Variants in SYN3 observed in about 807,000 individuals in gnomAD.
The protein encoded by SYN3 is synapsin-3.
In SYN3, 35 loss-of-function variants were observed where a neutral mutation model predicts 65.8. That is an observed-to-expected ratio of 0.53 (90% CI 0.41 to 0.70). The LOEUF (loss-of-function observed/expected upper bound fraction) is 0.70. Among genes scored for constraint, SYN3 ranks in the 30% least tolerant of loss-of-function variants. The probability of loss-of-function intolerance (pLI) is 0.00; values close to 1 mark genes in which losing one functional copy is unlikely to be tolerated. For synonymous variants in SYN3, 270 were observed against 292.9 expected, an observed-to-expected ratio of 0.92 and a Z score of 0.80; for missense variants, 680 against 749.0, an observed-to-expected ratio of 0.91 and a Z score of 1.08.
In SYN3 at chr22:32,755,111, G is replaced by A. The variant is rs185999150; in HGVS notation, c.711+109804C>T. Reference sequence around the variant, plus strand: ...GGAACTGGTCTGGGGAAGGTTGGAGGAAGGAAACTAACATCGAACATTTAC... The same window carrying A: ...GGAACTGGTCTGGGGAAGGTTGGAGAAAGGAAACTAACATCGAACATTTAC... On this transcript the variant is annotated intron_variant, in intron 6 of 13. Coordinates refer to ENST00000358763, the MANE Select transcript of SYN3 (RefSeq NM_003490.4). 5.3e-5 allele frequency among the ~76,000 whole-genome samples: 8 copies of A among 152,332 alleles called. No individual in the cohort carries two copies. In the East Asian group the frequency reaches 1.5e-3, roughly 29 times the overall value.
At chr22:32,564,755 G>A (rs904308152) in intron 7 of SYN3, among the ~76,000 whole-genome samples, 3 of 119,278 alleles carry the variant, frequency 2.5e-5, no homozygotes, top group Non-Finnish European at 5.1e-5. Context: ...GCTGCACCCA[G>A]TGCTCCCGCA....
chr22:33,045,133 G>A (rs935906299), intron 1 of SYN3, among the ~76,000 whole-genome samples: 4 of 152,006 alleles, frequency 2.6e-5, no homozygotes, highest in Non-Finnish European at 5.9e-5. Context: ...ATGAGCCACC[G>A]CGCCCAGCCC....
intron 6 of SYN3, among the ~76,000 whole-genome samples, chr22:32,786,466 C>T (rs1338748356): frequency 1.3e-5 from 2 of 151,912 alleles, no homozygotes; most frequent in Non-Finnish European, 2.9e-5. Flanking sequence ...GGGTTCACAC[C>T]ATTCTCCTGC....
chr22:33,000,804 G>A (rs2053038190), intron 2 of SYN3, among the ~76,000 whole-genome samples: 1 of 152,206 alleles, frequency 6.6e-6, no homozygotes, highest in South Asian at 2.1e-4. Context: ...CAGTGCAGGA[G>A]GGGCTGGGGA....
At chr22:32,550,700 C>CAAAAAA (rs135481) in intron 7 of SYN3, among the ~76,000 whole-genome samples, 1 of 148,294 alleles carries the variant, frequency 6.7e-6, no homozygotes, top group Non-Finnish European at 1.5e-5. Flanking sequence ...CTAGAAATGG[C>CAAAAAA]AAAAAAAAAA....
At chr22:32,723,289 A>G (rs2061145073) in intron 6 of SYN3, among the ~76,000 whole-genome samples, 1 of 152,230 alleles carries the variant, frequency 6.6e-6, no homozygotes, top group African/African-American at 2.4e-5. Context: ...TCTGTTTCCC[A>G]TCTATAAAAT....
chr22:32,840,333 G>A (rs1021671109), intron 6 of SYN3, among the ~76,000 whole-genome samples: 1 of 152,164 alleles, frequency 6.6e-6, no homozygotes, highest in African/African-American at 2.4e-5. Flanking sequence ...TTGATGGGGA[G>A]TGCATGTTAA....
intron 6 of SYN3, among the ~76,000 whole-genome samples, chr22:32,668,132 G>A (rs1290706164): frequency 6.6e-6 from 1 of 152,130 alleles, no homozygotes; most frequent in African/African-American, 2.4e-5. Flanking sequence ...TGTTTGAATT[G>A]TATACAAGGA....
chr22:32,659,789 G>A (rs910665430), intron 6 of SYN3, among the ~76,000 whole-genome samples: 54 of 152,246 alleles, frequency 3.5e-4, no homozygotes, highest in African/African-American at 1.3e-3. Context: ...AGGCAACCAG[G>A]TGGCAAGTTG....
At chr22:32,749,929 C>T (rs1022380971) in intron 6 of SYN3, among the ~76,000 whole-genome samples, 3 of 152,170 alleles carry the variant, frequency 2.0e-5, no homozygotes, top group Non-Finnish European at 2.9e-5. Flanking sequence ...GAGTCTGATG[C>T]CTTCCCTAAG....
chr22:32,762,168 G>A (rs556572844), intron 6 of SYN3, among the ~76,000 whole-genome samples: 12 of 152,312 alleles, frequency 7.9e-5, no homozygotes, highest in Admixed American at 3.9e-4. Context: ...GGATTTTAGC[G>A]CCATCTTGCT....
chr22:32,819,745 C>T (rs906005882), intron 6 of SYN3, among the ~76,000 whole-genome samples: 1 of 152,174 alleles, frequency 6.6e-6, no homozygotes, highest in African/African-American at 2.4e-5. Context: ...GTTCAAAAAA[C>T]AGAAGAGGAG....
At chr22:32,856,473 G>T (rs2048369764) in intron 6 of SYN3, among the ~76,000 whole-genome samples, 2 of 152,236 alleles carry the variant, frequency 1.3e-5, no homozygotes, top group Admixed American at 6.5e-5. Context: ...GATTCCCTCA[G>T]ATCCAATGTC....
chr22:32,620,970 G>A (rs538308319), intron 6 of SYN3, among the ~76,000 whole-genome samples: 3 of 152,020 alleles, frequency 2.0e-5, no homozygotes, highest in East Asian at 3.9e-4. Context: ...CACCCACCTC[G>A]GTCTCCCAAA....
intron 6 of SYN3, among the ~76,000 whole-genome samples, chr22:32,726,677 G>A (rs1357388251): frequency 8.5e-5 from 13 of 152,208 alleles, no homozygotes; most frequent in Admixed American, 8.5e-4. Flanking sequence ...GAGAAAAGAA[G>A]CTTGAACGGG....
chr22:32,780,929 C>CTTCCT (rs1434611607), intron 6 of SYN3, among the ~76,000 whole-genome samples: 1 of 117,412 alleles, frequency 8.5e-6, no homozygotes, highest in African/African-American at 4.0e-5. Flanking sequence ...TCCTTCCTTC[C>CTTCCT]TTCCTTTCCT....
chr22:32,792,963 T>G (rs1279258728), intron 6 of SYN3, among the ~76,000 whole-genome samples: 1 of 152,234 alleles, frequency 6.6e-6, no homozygotes, highest in Non-Finnish European at 1.5e-5. Flanking sequence ...ACATGCAATT[T>G]AACTTCTTTG....
chr22:32,613,549 C>T (rs62232745), intron 6 of SYN3, among the ~76,000 whole-genome samples: 38,045 of 151,872 alleles, frequency 0.25, 5,360 homozygotes, highest in Non-Finnish European at 0.31. Context: ...TTTATTTCCA[C>T]GTTTATTTGA....
chr22:32,528,980 C>A lies in SYN3; in HGVS notation c.1124G>T (p.Gly375Val), dbSNP rs2058026697. Residue 375 changes from glycine (G) to valine (V), a missense_variant, in exon 11 of 14, where the codon GGA (glycine) becomes GTA (valine). Physicochemically the swap from Gly to Val is moderately radical, Grantham distance 109. Transcript: ENST00000358763. ...CTGTCTGTCCTCTTCCACATGCTCT[C>A]CAATCAGCGGCATTGAGCTGTCCAT... The part of the protein sequence containing the change: ...EVMDSSMPLI[G>V]EHVEEDRQLM... 1.2e-6 allele frequency: 2 copies of A among 1,614,000 alleles called. No homozygotes were observed. Among genetic ancestry groups the A allele is most frequent in the Non-Finnish European group, 1.7e-6 (2 of 1,180,048 alleles).
Sources: allele counts gnomAD v4.1 joint callset (sites outside exome capture counted in the v4.1 genomes callset), GRCh38; gene constraint gnomAD v4.1.1; transcripts MANE v1.5; gene names NCBI Gene and HGNC (gene_info 2026-07-23, HGNC 2026-07-21).